SMG6: variants seen among roughly 807,000 people sequenced by gnomAD.
SMG6 encodes telomerase-binding protein EST1A.
Under a neutral mutation model 142.2 loss-of-function variants are expected in SMG6, and 66 were observed. That is an observed-to-expected ratio of 0.46 (90% CI 0.38 to 0.57). SMG6 has a LOEUF of 0.57. Ranked by LOEUF, SMG6 falls within the 20% of genes least tolerant of loss-of-function variation. SMG6 has a pLI of 0.00. For synonymous variants in SMG6, 779 were observed against 702.4 expected (o/e 1.11, Z -1.72); for missense variants, 1,793 against 1,832.0 (o/e 0.98, Z 0.39).
intron 4 of SMG6, among the ~76,000 whole-genome samples, chr17:2,293,840 A>T (rs1360989333): frequency 6.6e-6 from 1 of 152,230 alleles, no homozygotes; most frequent in African/African-American, 2.4e-5. Flanking sequence ...CCACGGCATT[A>T]CATTACCTTC....
rs975255541 is a variant in SMG6 at position 2,236,416 on chromosome 17, T to A, written c.2869+76A>T. On this transcript the variant is annotated intron_variant, in intron 10 of 18. Coordinates refer to ENST00000263073, the MANE Select transcript of SMG6 (RefSeq NM_017575.5). ...GGTGGGGGGAGGTAGGTATGGTAGG[T>A]ATGGTAACACAAGAAAGAAGCTACA... is the stretch of plus-strand genomic sequence containing the variant. The A allele has an allele frequency of 8.8e-6, 13 of 1,474,762 alleles. No homozygotes were observed. The Admixed American group carries it at 2.4e-4, about 27-fold the overall frequency. 91.4% of individuals were successfully genotyped at this position (1,474,762 alleles called of 1,614,324 possible).
chr17:2,087,086 T>C, intron 13 of SMG6: 1 of 1,290,532 alleles, frequency 7.7e-7, no homozygotes, highest in Non-Finnish European at 1.0e-6. Context: ...TGGAGACTAC[T>C]GATGATCATT....
chr17:2,077,591 T>C (rs1468897968), intron 15 of SMG6, among the ~76,000 whole-genome samples: 3 of 152,240 alleles, frequency 2.0e-5, no homozygotes, highest in African/African-American at 4.8e-5. Context: ...GGCCTTAGTG[T>C]CTGCACAGGC....
intron 13 of SMG6, among the ~76,000 whole-genome samples, chr17:2,112,059 G>A (rs993569456): frequency 2.0e-5 from 3 of 152,110 alleles, no homozygotes; most frequent in Non-Finnish European, 4.4e-5. Context: ...TTACAGAAGT[G>A]CCAAGGTCTT....
chr17:2,170,992 C>T (rs1338135344), intron 13 of SMG6, among the ~76,000 whole-genome samples: 1 of 152,100 alleles, frequency 6.6e-6, no homozygotes, highest in Non-Finnish European at 1.5e-5. Flanking sequence ...ACAGTATATA[C>T]AGCTGGGCAT....
intron 10 of SMG6, among the ~76,000 whole-genome samples, chr17:2,196,846 T>A (rs1037346535): frequency 6.6e-6 from 1 of 152,092 alleles, no homozygotes; most frequent in Non-Finnish European, 1.5e-5. Flanking sequence ...GTAAACAACA[T>A]AGCAAGACCC....
At chr17:2,121,022 G>C (rs1011835213) in intron 13 of SMG6, among the ~76,000 whole-genome samples, 1 of 152,128 alleles carries the variant, frequency 6.6e-6, no homozygotes, top group African/African-American at 2.4e-5. Context: ...GAAAGTTTAC[G>C]AATTTGTGTT....
chr17:2,112,540 TAA>T (rs1567607272), intron 13 of SMG6, among the ~76,000 whole-genome samples: 11 of 146,544 alleles, frequency 7.5e-5, no homozygotes, highest in Non-Finnish European at 1.4e-4. Context: ...AATAAATAAA[TAA>T]ATAAATAAAT....
At chr17:2,213,621 A>ATT (rs971651817) in intron 10 of SMG6, 7 of 152,376 alleles carry the variant, frequency 4.6e-5, no homozygotes, top group African/African-American at 1.7e-4. Flanking sequence ...TGCAGCTTTT[A>ATT]TTTTTAAATG....
intron 13 of SMG6, among the ~76,000 whole-genome samples, chr17:2,112,346 T>TA (rs1279834275): frequency 6.7e-6 from 1 of 149,326 alleles, no homozygotes; most frequent in Non-Finnish European, 1.5e-5. Context: ...CTACTAAAAA[T>TA]ACAAAAAAAA....
At chr17:2,109,033 C>T (rs2069234339) in intron 13 of SMG6, among the ~76,000 whole-genome samples, 2 of 152,296 alleles carry the variant, frequency 1.3e-5, no homozygotes, top group Middle Eastern at 6.8e-3. Flanking sequence ...GTAAACTCAA[C>T]CCCAGAGACA....
intron 10 of SMG6, among the ~76,000 whole-genome samples, chr17:2,230,305 C>CAAAAAAAAAAAAAAAAAAAAAAA (rs869124628): frequency 6.2e-5 from 1 of 16,252 alleles, no homozygotes; most frequent in Non-Finnish European, 1.0e-4. Context: ...CATGTCGGGG[C>CAAAAAAAAAAAAAAAAAAAAAAA]AAAAAAAAAA....
intron 16 of SMG6, among the ~76,000 whole-genome samples, chr17:2,066,573 A>G (rs1432134621): frequency 6.6e-6 from 1 of 150,584 alleles, no homozygotes. Context: ...AGCCGGCGTG[A>G]GCATGCTGTT....
chr17:2,069,898 C>A (rs2068053488), intron 15 of SMG6, among the ~76,000 whole-genome samples: 1 of 152,228 alleles, frequency 6.6e-6, no homozygotes, highest in South Asian at 2.1e-4. Context: ...CGACGTTTTT[C>A]TTTAAACTGA....
chr17:2,287,766 G>A (rs1439495655), intron 6 of SMG6, among the ~76,000 whole-genome samples: 1 of 152,178 alleles, frequency 6.6e-6, no homozygotes, highest in East Asian at 1.9e-4. Context: ...TGAACCTTGA[G>A]GACCTAAGCT....
intron 9 of SMG6, among the ~76,000 whole-genome samples, chr17:2,244,046 A>T (rs2073873455): frequency 6.6e-6 from 1 of 152,160 alleles, no homozygotes; most frequent in Non-Finnish European, 1.5e-5. Flanking sequence ...GAATACTCAA[A>T]ACTCGATCTG....
intron 13 of SMG6, among the ~76,000 whole-genome samples, chr17:2,156,423 G>C (rs369095290): frequency 6.0e-5 from 4 of 66,734 alleles, no homozygotes; most frequent in Non-Finnish European, 8.9e-5. Context: ...AAAAAAAAAA[G>C]AGTTAAAAGC....
chr17:2,156,534 G>C (rs2071012259), intron 13 of SMG6, among the ~76,000 whole-genome samples: 1 of 151,428 alleles, frequency 6.6e-6, no homozygotes, highest in Non-Finnish European at 1.5e-5. Context: ...CACACAACTT[G>C]ACTAACATCA....
intron 10 of SMG6, among the ~76,000 whole-genome samples, chr17:2,188,974 C>T (rs547764169): frequency 8.5e-5 from 13 of 152,270 alleles, no homozygotes; most frequent in East Asian, 1.9e-4. Context: ...TGAACGCGCC[C>T]GATCTCGTCT....
Sources: allele counts gnomAD v4.1 joint callset (sites outside exome capture counted in the v4.1 genomes callset), GRCh38; gene constraint gnomAD v4.1.1; transcripts MANE v1.5; gene names NCBI Gene and HGNC (gene_info 2026-07-23, HGNC 2026-07-21).